The following ITGA9 variants were observed in gnomAD, a reference collection of about 807,000 sequenced individuals.
ITGA9 encodes integrin alpha-9.
A neutral mutation model predicts 127.8 loss-of-function variants in ITGA9; 56 were observed. The observed-to-expected ratio is 0.44, with a 90% confidence interval of 0.35 to 0.55. The LOEUF (loss-of-function observed/expected upper bound fraction) is 0.55, where lower values mean the gene tolerates loss of function less well. Ranked by LOEUF, ITGA9 falls within the 20% of genes least tolerant of loss-of-function variation. The pLI, the probability that ITGA9 is intolerant of heterozygous loss-of-function variation, is 0.00. For synonymous variants in ITGA9, 508 were observed against 514.5 expected, an observed-to-expected ratio of 0.99 and a Z score of 0.17; for missense variants, 1,196 against 1,347.1, an observed-to-expected ratio of 0.89 and a Z score of 1.76.
intron 1 of ITGA9, among the ~76,000 whole-genome samples, chr3:37,453,985 G>A (rs1698230915): frequency 1.3e-5 from 2 of 152,186 alleles, no homozygotes; most frequent in African/African-American, 2.4e-5. Context: ...CTTTTAAAGC[G>A]GAGCAGGCTG....
At chr3:37,659,936 C>T (rs938745168) in intron 17 of ITGA9, among the ~76,000 whole-genome samples, 3 of 151,830 alleles carry the variant, frequency 2.0e-5, no homozygotes, top group African/African-American at 4.8e-5. Flanking sequence ...GAAAGTAATA[C>T]TAAGATTCCT....
intron 5 of ITGA9, among the ~76,000 whole-genome samples, chr3:37,496,639 G>T (rs969836376): frequency 3.3e-5 from 5 of 152,142 alleles, no homozygotes; most frequent in Admixed American, 3.3e-4. Flanking sequence ...AAAATATCAT[G>T]GTGCTCCCTT....
chr3:37,655,509 T>C (rs1700469019), intron 17 of ITGA9, among the ~76,000 whole-genome samples: 1 of 152,382 alleles, frequency 6.6e-6, no homozygotes, highest in Admixed American at 6.5e-5. Context: ...GAGAAGTGTC[T>C]GTTCATATCT....
At chr3:37,716,227 T>TG (rs1364102591) in intron 18 of ITGA9, among the ~76,000 whole-genome samples, 1 of 152,168 alleles carries the variant, frequency 6.6e-6, no homozygotes, top group Non-Finnish European at 1.5e-5. Flanking sequence ...TGGTGGCATC[T>TG]GGGGGGTCAA....
At chr3:37,637,224 A>C (rs2125639171) in intron 16 of ITGA9, among the ~76,000 whole-genome samples, 1 of 152,300 alleles carries the variant, frequency 6.6e-6, no homozygotes, top group East Asian at 1.9e-4. Flanking sequence ...TACCTTGGGC[A>C]GTATGGCCAT....
At chr3:37,769,213 C>G (rs1331326483) in intron 23 of ITGA9, among the ~76,000 whole-genome samples, 1 of 151,876 alleles carries the variant, frequency 6.6e-6, no homozygotes, top group Non-Finnish European at 1.5e-5. Flanking sequence ...TGGCACACAC[C>G]CATCATCCCA....
In ITGA9 at chr3:37,821,080, T is replaced by C. The variant is rs998871242; in HGVS notation, c.*2091T>C. On this transcript the variant is annotated 3_prime_UTR_variant, in exon 28 of 28. Coordinates refer to ENST00000264741, the MANE Select transcript of ITGA9 (RefSeq NM_002207.3). ...GACTCTGCTGCAGGGAGATTACAGATGTAACCTCATGCTTCTCTTCCTGGT... is the reference window on the plus strand; with the variant it reads ...GACTCTGCTGCAGGGAGATTACAGACGTAACCTCATGCTTCTCTTCCTGGT... The C allele has an allele frequency of 2.0e-5, 3 of 152,170 alleles. No individual in the cohort carries two copies. 9.4% of individuals were successfully genotyped at this position (152,170 alleles called of 1,614,324 possible).
Position 37,532,646 on chromosome 3 carries a change from A to G in ITGA9, c.1374-668A>G, listed in dbSNP as rs115995022. Reference sequence around the variant, plus strand: ...GGGAGCCCACAGGTGCTGTCCATTCATCAAGCACTGGGAGATGGTCCATGG... The same window carrying G: ...GGGAGCCCACAGGTGCTGTCCATTCGTCAAGCACTGGGAGATGGTCCATGG... On this transcript the variant is annotated intron_variant, in intron 13 of 27. Coordinates refer to ENST00000264741, the MANE Select transcript of ITGA9 (RefSeq NM_002207.3). 2.6e-3 allele frequency among the ~76,000 whole-genome samples: 397 copies of G among 152,162 alleles called. 2 individuals carry two copies. The highest frequency in any genetic ancestry group is 9.0e-3 in the African/African-American group (373 of 41,536).
intron 18 of ITGA9, among the ~76,000 whole-genome samples, chr3:37,720,784 G>T (rs1265347014): frequency 6.6e-6 from 1 of 152,182 alleles, no homozygotes; most frequent in Admixed American, 6.5e-5. Flanking sequence ...GGATTTAGGG[G>T]AGTGTTTTTG....
Position 37,629,485 on chromosome 3 carries a change from C to A in ITGA9, c.1839+149C>A, listed in dbSNP as rs1700209616. Reference sequence around the variant, plus strand: ...CCTCTCTGGGTCTCCCTTTTCTGATCTGCAAAATGATAAAATAAACAGTCT... The same window carrying A: ...CCTCTCTGGGTCTCCCTTTTCTGATATGCAAAATGATAAAATAAACAGTCT... On this transcript the variant is annotated intron_variant, in intron 16 of 27. Transcript: ENST00000264741. The surrounding 1 kb of genome is among the most constrained non-coding windows in gnomAD (Gnocchi z 4.5). 2.6e-5 allele frequency: 21 copies of A among 802,086 alleles called. 1 individual carries two copies. The South Asian group carries it at 3.1e-4, about 12-fold the overall frequency. The allele number at this position is 802,086 out of a possible 1,614,324, so 49.7% of individuals were successfully genotyped here.
intron 17 of ITGA9, among the ~76,000 whole-genome samples, chr3:37,661,643 A>T (rs1700538174): frequency 6.6e-6 from 1 of 152,216 alleles, no homozygotes; most frequent in Non-Finnish European, 1.5e-5. Context: ...TGCTTTGGTT[A>T]TCATTGAGCT....
Position 37,535,442 on chromosome 3 carries a change from T to C in ITGA9, c.1528+1974T>C, listed in dbSNP as rs1390326188. ...GCCTCCTCATGCTGTTCCCGACCAGTGGCTCTTTCTGGGGCCCCATCTAGC... is the reference window on the plus strand; with the variant it reads ...GCCTCCTCATGCTGTTCCCGACCAGCGGCTCTTTCTGGGGCCCCATCTAGC... On this transcript the variant is annotated intron_variant, in intron 14 of 27. Coordinates refer to ENST00000264741, the MANE Select transcript of ITGA9 (RefSeq NM_002207.3). Among the ~76,000 whole-genome samples the C allele has an allele frequency of 2.0e-5, 3 of 152,184 alleles. No individual in the cohort carries two copies. In the East Asian group the frequency reaches 5.8e-4, roughly 29 times the overall value.
intron 20 of ITGA9, among the ~76,000 whole-genome samples, chr3:37,741,295 A>G (rs1213254291): frequency 9.1e-6 from 1 of 110,138 alleles, no homozygotes; most frequent in Non-Finnish European, 1.7e-5. Context: ...CACCCCCAGC[A>G]GCAGCAACAG....
At chr3:37,512,922 A>G (rs1307186977) in intron 8 of ITGA9, among the ~76,000 whole-genome samples, 1 of 152,116 alleles carries the variant, frequency 6.6e-6, no homozygotes, top group African/African-American at 2.4e-5. Flanking sequence ...TTTGGGTTTG[A>G]GACCCCTAAT....
intron 23 of ITGA9, among the ~76,000 whole-genome samples, chr3:37,750,832 G>C (rs1413618973): frequency 1.3e-5 from 2 of 152,256 alleles, no homozygotes; most frequent in African/African-American, 2.4e-5. Flanking sequence ...GACTTCGCTG[G>C]CTCTGGGAAC....
At chr3:37,801,749 G>A (rs770423489) in intron 26 of ITGA9, among the ~76,000 whole-genome samples, 4 of 152,194 alleles carry the variant, frequency 2.6e-5, no homozygotes, top group Non-Finnish European at 5.9e-5. Flanking sequence ...TGTGCCAGAT[G>A]CTATGCTGGG....
chr3:37,491,540 G>A (rs1372591991), intron 4 of ITGA9, among the ~76,000 whole-genome samples: 1 of 152,182 alleles, frequency 6.6e-6, no homozygotes, highest in East Asian at 1.9e-4. Flanking sequence ...ACAGGAGACT[G>A]GAGGTCACCC....
intron 17 of ITGA9, among the ~76,000 whole-genome samples, chr3:37,656,872 C>T (rs1259502410): frequency 6.6e-6 from 1 of 151,958 alleles, no homozygotes; most frequent in Non-Finnish European, 1.5e-5. Context: ...CCATCAATAC[C>T]TGGTTTATTG....
In ITGA9 at chr3:37,780,313, C is replaced by T. The variant is rs73055093; in HGVS notation, c.2787+292C>T. On this transcript the variant is annotated intron_variant, in intron 25 of 27. Transcript: ENST00000264741. ...CAGGTAACTTTTCAACCCTCACCCC[C>T]CTCCCACATTTTGGAGTCTCCAATG... Among the ~76,000 whole-genome samples, 834 of 152,232 alleles carry T rather than the reference C, an allele frequency of 5.5e-3. 5 individuals carry two copies. The highest frequency in any genetic ancestry group is 9.8e-3 in the Non-Finnish European group (668 of 68,006).
Sources: allele counts gnomAD v4.1 joint callset (sites outside exome capture counted in the v4.1 genomes callset), GRCh38; gene constraint gnomAD v4.1.1; non-coding constraint Gnocchi (gnomAD v3.1); transcripts MANE v1.5; gene names NCBI Gene and HGNC (gene_info 2026-07-23, HGNC 2026-07-21).